Variants in SNX4 observed in about 807,000 individuals in gnomAD.
The protein encoded by SNX4 is sorting nexin-4.
Under a neutral mutation model 70.8 loss-of-function variants are expected in SNX4, and 49 were observed. The observed-to-expected ratio is 0.69, with a 90% CI of 0.55 to 0.88. SNX4 has a LOEUF of 0.88. Among genes scored for constraint, SNX4 ranks in the 40% least tolerant of loss-of-function variants. The pLI is 0.00. For synonymous variants in SNX4, 206 were observed against 183.8 expected (o/e 1.12, Z -0.98); for missense variants, 528 against 544.8 (o/e 0.97, Z 0.31).
At chr3:125,480,368 G>T in intron 6 of SNX4, 49 bp from the exon 7 acceptor site, 1 of 1,232,308 alleles carries the variant, frequency 8.1e-7, no homozygotes, top group Non-Finnish European at 1.1e-6. Context: ...AAAACAAGCA[G>T]TCAAAAACTG....
At chr3:125,481,447 CTT>C (rs34708524) in intron 6 of SNX4, among the ~76,000 whole-genome samples, 6,670 of 134,680 alleles carry the variant, frequency 0.05, 337 homozygotes, top group African/African-American at 0.13. Flanking sequence ...TTCCTGAAAT[CTT>C]TTTTTTTTTT....
At position 125,504,732 on chromosome 3, in the gene SNX4, T is replaced by C; in HGVS notation, c.154A>G (p.Asn52Asp). Residue 52 changes from asparagine (N) to aspartate (D), a missense_variant, in exon 2 of 14, where the codon AAT becomes GAT. By Grantham distance (23) the Asn-to-Asp change is conservative. This residue lies in a region of SNX4 where 341 missense variants were observed against 312.2 expected (regional missense o/e 1.09). Coordinates refer to ENST00000251775, the MANE Select transcript of SNX4 (RefSeq NM_003794.4). ...SSGVDTMTHN[N>D]FWLKKIEISV... is the part of the protein sequence containing the mutation. Reference sequence around the variant, plus strand: ...ATTTCTATCTTCTTCAACCAAAAATTATTGTGTGTCATCTGGACAAAAGTA... The same window carrying C: ...ATTTCTATCTTCTTCAACCAAAAATCATTGTGTGTCATCTGGACAAAAGTA... 1.2e-6 allele frequency: 2 copies of C among 1,613,514 alleles called. No individual in the cohort carries two copies. The highest frequency in any genetic ancestry group is 1.7e-6 in the Non-Finnish European group (2 of 1,179,778).
At position 125,485,453 on chromosome 3, in the gene SNX4, A is replaced by C. The variant is rs912207975; in HGVS notation, c.653+3955T>G. ...GCTGGGATTACAGGCATGTGCCACC[A>C]TGCCTGGCTAATTTTTGTAGTTTTG... On this transcript the variant is annotated intron_variant, in intron 6 of 13. Coordinates refer to ENST00000251775, the MANE Select transcript of SNX4 (RefSeq NM_003794.4). 3.9e-5 allele frequency among the ~76,000 whole-genome samples: 6 copies of C among 151,970 alleles called. 1 individual carries two copies. The highest frequency in any genetic ancestry group is 3.9e-4 in the Admixed American group (6 of 15,262).
chr3:125,477,723 TTTC>T (rs1450039487), intron 7 of SNX4, among the ~76,000 whole-genome samples: 6 of 152,216 alleles, frequency 3.9e-5, no homozygotes, highest in Non-Finnish European at 5.9e-5. Flanking sequence ...CATAAAATGT[TTTC>T]CATCTATTGT....
chr3:125,499,328 T>C (rs1177885025), intron 2 of SNX4, among the ~76,000 whole-genome samples: 1 of 152,218 alleles, frequency 6.6e-6, no homozygotes, highest in East Asian at 1.9e-4. Context: ...CAAGGTGTAT[T>C]TGTACATTAG....
At chr3:125,465,735 C>T (rs750778523) in intron 9 of SNX4, among the ~76,000 whole-genome samples, 7 of 149,612 alleles carry the variant, frequency 4.7e-5, no homozygotes, top group South Asian at 2.1e-4. Flanking sequence ...CTCTGCCTCC[C>T]GAGTTCAAGT....
At chr3:125,514,725 G>A (rs1193550714) in intron 1 of SNX4, among the ~76,000 whole-genome samples, 1 of 152,072 alleles carries the variant, frequency 6.6e-6, no homozygotes, top group East Asian at 1.9e-4. Flanking sequence ...GTCTTGCTCT[G>A]TCACCCAGAC....
intron 12 of SNX4, 29 bp from the exon 13 acceptor site, chr3:125,451,448 T>C (rs1252353105): frequency 6.7e-7 from 1 of 1,501,674 alleles, no homozygotes; most frequent in South Asian, 1.2e-5. Context: ...CCATTATTAT[T>C]ATTTAAGTTA....
chr3:125,457,630 T>A (rs1370608723), intron 10 of SNX4, among the ~76,000 whole-genome samples: 6 of 143,836 alleles, frequency 4.2e-5, no homozygotes. Context: ...CAGGCTGGAG[T>A]GCAATGGCGC....
chr3:125,496,172 T>C (rs969017324), intron 5 of SNX4, among the ~76,000 whole-genome samples: 4 of 152,142 alleles, frequency 2.6e-5, no homozygotes, highest in African/African-American at 9.7e-5. Flanking sequence ...CACGCGCCTG[T>C]AGTCTCAGCT....
Position 125,496,088 on chromosome 3 carries a change from G to A in SNX4, c.597+1253C>T, listed in dbSNP as rs144660573. 2.3e-3 allele frequency among the ~76,000 whole-genome samples: 343 copies of A among 152,182 alleles called. 6 individuals carry two copies. The highest frequency in any genetic ancestry group is 0.014 in the East Asian group (75 of 5,178). On this transcript the variant is annotated intron_variant, in intron 5 of 13. Coordinates refer to ENST00000251775, the MANE Select transcript of SNX4 (RefSeq NM_003794.4). ...GAGAATCGATTGAGCCCAGGAGTTC[G>A]AAACTAGCCTGGGCAACATAGTGAG...
intron 2 of SNX4, among the ~76,000 whole-genome samples, chr3:125,503,778 T>C (rs944509703): frequency 6.6e-6 from 1 of 152,168 alleles, no homozygotes; most frequent in African/African-American, 2.4e-5. Context: ...TTGATACATG[T>C]TATTTATTCC....
intron 1 of SNX4, among the ~76,000 whole-genome samples, chr3:125,512,840 G>A (rs995370160): frequency 4.6e-5 from 7 of 150,864 alleles, no homozygotes; most frequent in Admixed American, 2.7e-4. Flanking sequence ...CTGGCTCACT[G>A]CAAACTCTGC....
intron 1 of SNX4, among the ~76,000 whole-genome samples, chr3:125,506,817 T>TAAAAAAAAAAAAAAAAAAAAAAAAAA (rs71148182): frequency 3.7e-5 from 1 of 26,820 alleles, no homozygotes; most frequent in African/African-American, 9.7e-5. Context: ...GTGGAGAAAG[T>TAAAAAAAAAAAAAAAAAAAAAAAAAA]AAAAAAAAAA....
At chr3:125,484,569 C>A (rs1304482221) in intron 6 of SNX4, among the ~76,000 whole-genome samples, 1 of 152,088 alleles carries the variant, frequency 6.6e-6, no homozygotes, top group Non-Finnish European at 1.5e-5. Context: ...TCTCCATATT[C>A]TTTAACATAC....
At position 125,457,409 on chromosome 3, in the gene SNX4, A is replaced by T. The variant is rs749447557; in HGVS notation, c.945-44T>A. On this transcript the variant is annotated intron_variant, in intron 10 of 13. Coordinates refer to ENST00000251775, the MANE Select transcript of SNX4 (RefSeq NM_003794.4). The stretch of plus-strand genomic sequence containing the variant: ...GCTGCCATTTAACTTTTCCTTTAAC[A>T]TGTCAAACATTTTTTTCAAGGGTAG... 2.1e-5 allele frequency: 30 copies of T among 1,427,770 alleles called. 1 individual carries two copies. In the East Asian group the frequency reaches 3.0e-4, roughly 14 times the overall value. 88.4% of individuals were successfully genotyped at this position (1,427,770 alleles called of 1,614,324 possible).
Position 125,469,522 on chromosome 3 carries a change from A to C in SNX4, c.789-3T>G, listed in dbSNP as rs1345248941. ...CTTTTTCTATGGCACTCCATTCACTAGGGAGTAAAAGATAAAACCAAAAGC... is the reference window on the plus strand; with the variant it reads ...CTTTTTCTATGGCACTCCATTCACTCGGGAGTAAAAGATAAAACCAAAAGC... On this transcript the variant is annotated splice_region_variant and splice_polypyrimidine_tract_variant and intron_variant, in intron 8 of 13. Transcript: ENST00000251775. The C allele has an allele frequency of 6.2e-7, 1 of 1,608,746 alleles. No homozygotes were observed. Among genetic ancestry groups the C allele is most frequent in the Non-Finnish European group, 8.5e-7 (1 of 1,175,180 alleles).
In SNX4 at chr3:125,498,201, A is replaced by C; in HGVS notation, c.264-7T>G. Reference sequence around the variant, plus strand: ...ATCGGTATGTTCAACTGACCTGAAAAGGAACAGAACAACACTTGTTATTTT... The same window carrying C: ...ATCGGTATGTTCAACTGACCTGAAACGGAACAGAACAACACTTGTTATTTT... On this transcript the variant is annotated splice_polypyrimidine_tract_variant and splice_region_variant and intron_variant, in intron 2 of 13. Coordinates refer to ENST00000251775, the MANE Select transcript of SNX4 (RefSeq NM_003794.4). 7 of 1,611,756 alleles carry C rather than the reference A, an allele frequency of 4.3e-6. 1 individual carries two copies. In the South Asian group the frequency reaches 5.5e-5, roughly 13 times the overall value.
At chr3:125,466,586 T>C (rs1198959672) in intron 9 of SNX4, among the ~76,000 whole-genome samples, 2 of 152,140 alleles carry the variant, frequency 1.3e-5, no homozygotes, top group African/African-American at 4.8e-5. Flanking sequence ...CCAGAATCTA[T>C]AAGGAACTTA....
Sources: gnomAD v4.1 joint callset for allele counts (sites outside exome capture counted in the v4.1 genomes callset) on GRCh38, gnomAD v4.1.1 for gene constraint, gnomAD v4.1.1 regional missense constraint, MANE v1.5 for transcripts, NCBI Gene and HGNC (gene_info 2026-07-23, HGNC 2026-07-21) for gene names.